Variants in ANGPTL5 observed in about 807,000 individuals in gnomAD.
ANGPTL5 encodes angiopoietin like 5.
Under a neutral mutation model 39.4 loss-of-function variants are expected in ANGPTL5, and 34 were observed. That is an observed-to-expected ratio of 0.86 (90% CI 0.66 to 1.15). The LOEUF (loss-of-function observed/expected upper bound fraction) is 1.15. ANGPTL5 is among the 50% of genes most tolerant of loss of function. The pLI is 0.00. For synonymous variants in ANGPTL5, 146 were observed against 152.1 expected (o/e 0.96, Z 0.29); for missense variants, 467 against 457.5 (o/e 1.02, Z -0.19).
chr11:101,903,660 T>C (rs1031264855), intron 5 of ANGPTL5, among the ~76,000 whole-genome samples: 2 of 152,186 alleles, frequency 1.3e-5, no homozygotes, highest in Non-Finnish European at 2.9e-5. Context: ...TGTTGTTGCC[T>C]GTATCCTTAA....
chr11:101,906,915 A>G (rs1940006533), intron 3 of ANGPTL5, among the ~76,000 whole-genome samples, 188 bp downstream of exon 3: 1 of 152,092 alleles, frequency 6.6e-6, no homozygotes, highest in South Asian at 2.1e-4. Flanking sequence ...CTACATAGAG[A>G]AAGGATCCAT....
rs777319075 is a variant in ANGPTL5 at position 101,907,927 on chromosome 11, G to A, written c.-18C>T. ...GACATCATATTTTTCTTGGATAGATGAAAACACTTCTTCAAATATCAGTCA... is the reference window on the plus strand; with the variant it reads ...GACATCATATTTTTCTTGGATAGATAAAAACACTTCTTCAAATATCAGTCA... On this transcript the variant is annotated 5_prime_UTR_variant, in exon 2 of 9. Coordinates refer to ENST00000334289, the MANE Select transcript of ANGPTL5 (RefSeq NM_178127.5). 1 of 1,505,144 alleles carries A rather than the reference G, an allele frequency of 6.6e-7. No homozygotes were observed. Among genetic ancestry groups the A allele is most frequent in the South Asian group, 1.1e-5 (1 of 88,568 alleles). 93.2% of individuals were successfully genotyped at this position (1,505,144 alleles called of 1,614,324 possible).
chr11:101,910,424 A>AAAAAATATATAT (rs1469724609), intron 1 of ANGPTL5, among the ~76,000 whole-genome samples: 1 of 127,210 alleles, frequency 7.9e-6, no homozygotes, highest in East Asian at 2.2e-4. Flanking sequence ...AAAAAAAAAA[A>AAAAAATATATAT]ATATATATAT....
At chr11:101,910,016 T>G (rs1405436223) in intron 1 of ANGPTL5, among the ~76,000 whole-genome samples, 1 of 152,368 alleles carries the variant, frequency 6.6e-6, no homozygotes, top group East Asian at 1.9e-4. Flanking sequence ...CTCATGCTGC[T>G]GGGTGGAGCT....
chr11:101,912,162 G>T (rs1009921919), intron 1 of ANGPTL5, among the ~76,000 whole-genome samples: 8 of 152,250 alleles, frequency 5.3e-5, no homozygotes, highest in African/African-American at 7.2e-5. Context: ...CTAGCACCTG[G>T]AAAGTGCTTG....
intron 1 of ANGPTL5, among the ~76,000 whole-genome samples, chr11:101,910,710 C>T (rs559525067): frequency 8.5e-5 from 13 of 152,176 alleles, no homozygotes; most frequent in African/African-American, 2.2e-4. Context: ...TTTTTTCTCT[C>T]GCTTACTGCA....
At chr11:101,901,941 CTGTA>C (rs1939907787) in intron 6 of ANGPTL5, among the ~76,000 whole-genome samples, 1 of 151,510 alleles carries the variant, frequency 6.6e-6, no homozygotes, top group African/African-American at 2.4e-5. Flanking sequence ...ATATATATAA[CTGTA>C]TGTGTGTGTG....
intron 6 of ANGPTL5, among the ~76,000 whole-genome samples, chr11:101,902,007 C>G (rs1939910398): frequency 6.6e-6 from 1 of 151,702 alleles, no homozygotes; most frequent in Non-Finnish European, 1.5e-5. Context: ...TGCATAGTCT[C>G]TAGTAGAAAT....
chr11:101,892,975 C>G (rs1939728487), intron 8 of ANGPTL5, among the ~76,000 whole-genome samples: 1 of 152,184 alleles, frequency 6.6e-6, no homozygotes, highest in Admixed American at 6.5e-5. Flanking sequence ...TAATCTCCAA[C>G]ACCCACACAG....
At chr11:101,915,110 C>A in intron 1 of ANGPTL5, 2 of 944,686 alleles carry the variant, frequency 2.1e-6, no homozygotes, top group Non-Finnish European at 3.0e-6. Flanking sequence ...ATCGCCGCTA[C>A]AGGCACCAGT....
intron 6 of ANGPTL5, among the ~76,000 whole-genome samples, chr11:101,901,596 T>G (rs897743843): frequency 2.0e-5 from 3 of 152,084 alleles, no homozygotes; most frequent in African/African-American, 7.2e-5. Context: ...TGGAGGAAGT[T>G]AAGGAACCAG....
intron 1 of ANGPTL5, among the ~76,000 whole-genome samples, chr11:101,912,372 C>T (rs1940104492): frequency 6.6e-6 from 1 of 152,168 alleles, no homozygotes. Context: ...ATAAAATCCT[C>T]AAATTTTTTA....
In ANGPTL5 at chr11:101,915,399, C is replaced by G. The variant is rs1255880136; in HGVS notation, c.-93+620G>C. On this transcript the variant is annotated intron_variant, in intron 1 of 8. Transcript: ENST00000334289. ...TCGGGAGAGCGGCGGGCATCACCGA[C>G]CTGGCTCTTACCTGTATCCTTCCCA... 3.1e-6 allele frequency: 5 copies of G among 1,613,098 alleles called. No individual in the cohort carries two copies. The highest frequency in any genetic ancestry group is 4.2e-6 in the Non-Finnish European group (5 of 1,179,780).
chr11:101,891,853 T>C (rs967981411), intron 8 of ANGPTL5, among the ~76,000 whole-genome samples: 1 of 152,158 alleles, frequency 6.6e-6, no homozygotes, highest in Non-Finnish European at 1.5e-5. Flanking sequence ...TTTTGCTGTG[T>C]AGACAAAACC....
chr11:101,904,901 C>A lies in ANGPTL5; in HGVS notation c.352G>T (p.Glu118Ter). The A allele has an allele frequency of 6.2e-7, 1 of 1,611,678 alleles. No homozygotes were observed. The highest frequency in any genetic ancestry group is 8.5e-7 in the Non-Finnish European group (1 of 1,178,116). The change falls in exon 5 of 9, where the codon GAG becomes TAG. Residue 118 changes from glutamate (E) to a stop codon, truncating the protein, a stop_gained. Transcript: ENST00000334289. LOFTEE classifies it high-confidence loss of function. ...AAAAGGAGAACTCTATTCATGAGCT[C>A]GTTAACCTAAACACATGCATACACA... ...SLDYLSNQVN[E>*]LMNRVLLLTT...
chr11:101,905,047 A>G (rs1391710256), intron 4 of ANGPTL5, 140 bp from the exon 5 acceptor site: 2 of 681,228 alleles, frequency 2.9e-6, no homozygotes, highest in Non-Finnish European at 5.1e-6. Flanking sequence ...CAAAGAATAA[A>G]GGCAAAGCTA....
intron 6 of ANGPTL5, among the ~76,000 whole-genome samples, 175 bp downstream of exon 6, chr11:101,902,446 G>A (rs927807803): frequency 6.6e-6 from 1 of 151,830 alleles, no homozygotes; most frequent in Non-Finnish European, 1.5e-5. Context: ...TTCATGTTTT[G>A]GGCATTAGAA....
chr11:101,899,551 T>TTC (rs1307949712), intron 7 of ANGPTL5, among the ~76,000 whole-genome samples: 1 of 152,176 alleles, frequency 6.6e-6, no homozygotes, highest in Non-Finnish European at 1.5e-5. Flanking sequence ...TATGGATCTA[T>TTC]AACTACCTAA....
At chr11:101,915,501 A>C in intron 1 of ANGPTL5, 1 of 1,492,636 alleles carries the variant, frequency 6.7e-7, no homozygotes, top group South Asian at 1.3e-5. Flanking sequence ...CCTTTGACGC[A>C]GGGTGATCAA....
Sources: gnomAD v4.1 joint callset for allele counts (sites outside exome capture counted in the v4.1 genomes callset) on GRCh38, gnomAD v4.1.1 for gene constraint, MANE v1.5 for transcripts, NCBI Gene and HGNC (gene_info 2026-07-23, HGNC 2026-07-21) for gene names.